The following FAM227B variants were observed in gnomAD, a reference collection of about 807,000 sequenced individuals.
FAM227B encodes family with sequence similarity 227 member B, also known as protein FAM227B.
In FAM227B, 88 loss-of-function variants were observed where a neutral mutation model predicts 73.8. The ratio of observed to expected loss-of-function variants is 1.19; its 90% CI spans 1.00 to 1.42. FAM227B has a LOEUF of 1.42. FAM227B is among the 40% of genes most tolerant of loss of function. The pLI is 0.00. For missense variants in FAM227B, 632 were observed against 590.9 expected (o/e 1.07, Z -0.72); for synonymous variants, 210 against 190.5 (o/e 1.10, Z -0.84).
intron 11 of FAM227B, among the ~76,000 whole-genome samples, chr15:49,418,434 G>C (rs2151719887): frequency 6.6e-6 from 1 of 152,314 alleles, no homozygotes; most frequent in East Asian, 1.9e-4. Context: ...TGGTAGACTG[G>C]ATAAAGAAAA....
At chr15:49,369,225 G>A (rs2045623281) in intron 12 of FAM227B, among the ~76,000 whole-genome samples, 1 of 152,114 alleles carries the variant, frequency 6.6e-6, no homozygotes, top group South Asian at 2.1e-4. Flanking sequence ...CCAAAGTGCT[G>A]GGATTACAGG....
At chr15:49,471,700 T>G (rs2054788255) in intron 11 of FAM227B, among the ~76,000 whole-genome samples, 1 of 152,046 alleles carries the variant, frequency 6.6e-6, no homozygotes, top group Non-Finnish European at 1.5e-5. Context: ...CATCTCATGC[T>G]TTATGTAACA....
At position 49,382,194 on chromosome 15, in the gene FAM227B, A is replaced by G. The variant is rs532429930; in HGVS notation, c.1013-10795T>C. ...TAGGTACAATATGCAGGAAGTAGTG[A>G]AAAAAGTCATGATAGAAGAATTATA... On this transcript the variant is annotated intron_variant, in intron 11 of 15. Coordinates refer to ENST00000299338, the MANE Select transcript of FAM227B (RefSeq NM_152647.3). Among the ~76,000 whole-genome samples, 26 of 152,220 alleles carry G rather than the reference A, an allele frequency of 1.7e-4. 1 individual carries two copies. In the South Asian group the frequency reaches 5.4e-3, roughly 32 times the overall value.
intron 11 of FAM227B, chr15:49,489,076 G>T: frequency 5.7e-6 from 1 of 174,308 alleles, no homozygotes; most frequent in Non-Finnish European, 1.1e-5. Context: ...CCACAGGTTT[G>T]TTTTTTTATT....
At chr15:49,443,533 T>C (rs946452748) in intron 11 of FAM227B, among the ~76,000 whole-genome samples, 3 of 144,474 alleles carry the variant, frequency 2.1e-5, no homozygotes, top group African/African-American at 7.5e-5. Context: ...TAGATTAAAC[T>C]TAAGGTTTAG....
At chr15:49,565,531 C>T (rs73404155) in intron 9 of FAM227B, among the ~76,000 whole-genome samples, 4,361 of 152,100 alleles carry the variant, frequency 0.029, 219 homozygotes, top group African/African-American at 0.1. Flanking sequence ...CAAATTGATA[C>T]AACTATTTGC....
At position 49,534,594 on chromosome 15, in the gene FAM227B, T is replaced by C. The variant is rs368199243; in HGVS notation, c.874+7086A>G. Among the ~76,000 whole-genome samples, 21 of 151,564 alleles carry C rather than the reference T, an allele frequency of 1.4e-4. No individual in the cohort carries two copies. The South Asian group carries it at 1.7e-3, about 12-fold the overall frequency. ...CAAGATTAATAATGAAATTACTGGA[T>C]TGCACTGTGATAACAGACATATACA... On this transcript the variant is annotated intron_variant, in intron 10 of 15. Coordinates refer to ENST00000299338, the MANE Select transcript of FAM227B (RefSeq NM_152647.3).
chr15:49,526,521 C>T (rs1318370638), intron 10 of FAM227B, among the ~76,000 whole-genome samples: 6 of 151,810 alleles, frequency 4.0e-5, no homozygotes, highest in Non-Finnish European at 5.9e-5. Context: ...CCCAAAGCTA[C>T]AAGAAGAAAA....
In FAM227B at chr15:49,525,040, T is replaced by C. The variant is rs920479017; in HGVS notation, c.874+16640A>G. 5.9e-5 allele frequency among the ~76,000 whole-genome samples: 9 copies of C among 152,200 alleles called. No homozygotes were observed. The East Asian group carries it at 1.7e-3, about 29-fold the overall frequency. On this transcript the variant is annotated intron_variant, in intron 10 of 15. Transcript: ENST00000299338. The stretch of plus-strand genomic sequence containing the variant: ...TTTGGATTGTGGACTTTTGAGTTAA[T>C]GCTGAAATGAGTTAAGACTTTGAGG...
intron 11 of FAM227B, among the ~76,000 whole-genome samples, chr15:49,442,186 T>C (rs1003028989): frequency 8.6e-5 from 13 of 151,646 alleles, no homozygotes; most frequent in Non-Finnish European, 1.8e-4. Flanking sequence ...TTCTACTGTT[T>C]GCTAATGGAA....
intron 11 of FAM227B, among the ~76,000 whole-genome samples, chr15:49,397,160 A>T (rs901262761): frequency 6.6e-6 from 1 of 152,234 alleles, no homozygotes; most frequent in African/African-American, 2.4e-5. Flanking sequence ...AAAGGAGCTG[A>T]TGGAGCTGAA....
At chr15:49,354,604 G>A (rs199967446) in intron 13 of FAM227B, among the ~76,000 whole-genome samples, 6 of 152,298 alleles carry the variant, frequency 3.9e-5, no homozygotes, top group East Asian at 3.9e-4. Context: ...CTACGCCCAC[G>A]GAGTCTCGCT....
At chr15:49,449,946 G>A (rs1426712071) in intron 11 of FAM227B, among the ~76,000 whole-genome samples, 2 of 152,050 alleles carry the variant, frequency 1.3e-5, no homozygotes, top group Non-Finnish European at 2.9e-5. Flanking sequence ...ACACTCCACA[G>A]ACATATGCAA....
chr15:49,451,489 T>G (rs1438912966), intron 11 of FAM227B, among the ~76,000 whole-genome samples: 1 of 152,072 alleles, frequency 6.6e-6, no homozygotes, highest in Non-Finnish European at 1.5e-5. Context: ...ATATATAGAT[T>G]ATAACATCAA....
At chr15:49,493,192 C>G (rs2057272569) in intron 11 of FAM227B, among the ~76,000 whole-genome samples, 1 of 151,946 alleles carries the variant, frequency 6.6e-6, no homozygotes, top group African/African-American at 2.4e-5. Flanking sequence ...AAGTCCTCGT[C>G]TCAATTCCTG....
At chr15:49,410,961 AGT>A (rs149188677) in intron 11 of FAM227B, among the ~76,000 whole-genome samples, 86 of 114,234 alleles carry the variant, frequency 7.5e-4, no homozygotes, top group East Asian at 3.7e-3. Flanking sequence ...AGCATTTGAG[AGT>A]GTGTGTGTGT....
At position 49,356,124 on chromosome 15, in the gene FAM227B, C is replaced by T. The variant is rs542340753; in HGVS notation, c.1271+11324G>A. Among the ~76,000 whole-genome samples the T allele has an allele frequency of 9.2e-5, 14 of 152,140 alleles. No individual in the cohort carries two copies. The East Asian group carries it at 1.2e-3, about 13-fold the overall frequency. ...ATGGAAAGGAACAACCGGTACCAGCCGCTGTAAAATCATGCCAAAATGTAA... is the reference window on the plus strand; with the variant it reads ...ATGGAAAGGAACAACCGGTACCAGCTGCTGTAAAATCATGCCAAAATGTAA... On this transcript the variant is annotated intron_variant, in intron 13 of 15. Coordinates refer to ENST00000299338, the MANE Select transcript of FAM227B (RefSeq NM_152647.3).
At chr15:49,379,571 T>C (rs1400174395) in intron 11 of FAM227B, among the ~76,000 whole-genome samples, 3 of 152,252 alleles carry the variant, frequency 2.0e-5, no homozygotes, top group Non-Finnish European at 4.4e-5. Flanking sequence ...ATATATTTGC[T>C]CACAGTAGCC....
At chr15:49,556,829 C>T (rs1395410288) in intron 9 of FAM227B, among the ~76,000 whole-genome samples, 1 of 152,188 alleles carries the variant, frequency 6.6e-6, no homozygotes, top group East Asian at 1.9e-4. Context: ...CATTCCCGCA[C>T]TAATCCCTCT....
Sources: gnomAD v4.1 joint callset for allele counts (sites outside exome capture counted in the v4.1 genomes callset) on GRCh38, gnomAD v4.1.1 for gene constraint, MANE v1.5 for transcripts, NCBI Gene and HGNC (gene_info 2026-07-23, HGNC 2026-07-21) for gene names.